CCDC192: variants seen among roughly 807,000 people sequenced by gnomAD.
CCDC192 encodes the protein coiled-coil domain-containing protein 192.
At chr5:127,908,760 G>T (rs1038814585) in intron 6 of CCDC192, among the ~76,000 whole-genome samples, 1 of 152,130 alleles carries the variant, frequency 6.6e-6, no homozygotes, top group Admixed American at 6.5e-5. Flanking sequence ...ACTCCTCAGG[G>T]TAGGGAAGAG....
chr5:127,835,650 G>A (rs1750002418), intron 5 of CCDC192, among the ~76,000 whole-genome samples: 2 of 152,190 alleles, frequency 1.3e-5, no homozygotes, highest in African/African-American at 4.8e-5. Context: ...TAGAATCATG[G>A]TGGAAGGGGA....
chr5:127,797,594 T>G (rs1474452607), intron 4 of CCDC192, among the ~76,000 whole-genome samples: 2 of 151,506 alleles, frequency 1.3e-5, no homozygotes, highest in Non-Finnish European at 2.9e-5. Flanking sequence ...GGCATATGTT[T>G]TTTAATCAAT....
chr5:127,741,841 A>C (rs895877392), intron 2 of CCDC192, among the ~76,000 whole-genome samples: 3 of 152,176 alleles, frequency 2.0e-5, no homozygotes, highest in African/African-American at 4.8e-5. Flanking sequence ...GGAATATTTG[A>C]AAACAGATTA....
intron 6 of CCDC192, among the ~76,000 whole-genome samples, chr5:127,895,917 A>C (rs1325631888): frequency 2.0e-5 from 3 of 151,896 alleles, no homozygotes; most frequent in Non-Finnish European, 4.4e-5. Flanking sequence ...TCTTAGAAGG[A>C]GGACTAATTA....
chr5:127,784,244 A>G (rs981210771), intron 3 of CCDC192, among the ~76,000 whole-genome samples: 1 of 152,236 alleles, frequency 6.6e-6, no homozygotes, highest in African/African-American at 2.4e-5. Context: ...CAGATTACAC[A>G]TGGGTCCATT....
At chr5:127,891,399 G>T (rs527973913) in intron 6 of CCDC192, among the ~76,000 whole-genome samples, 6 of 152,250 alleles carry the variant, frequency 3.9e-5, no homozygotes, top group Non-Finnish European at 8.8e-5. Flanking sequence ...CAAGCCATCC[G>T]TGAGGGATTC....
intron 2 of CCDC192, among the ~76,000 whole-genome samples, chr5:127,752,823 T>G (rs1392468784): frequency 6.6e-6 from 1 of 152,096 alleles, no homozygotes; most frequent in Non-Finnish European, 1.5e-5. Flanking sequence ...TGGTGCGCCG[T>G]TTTTTAAGCC....
chr5:127,812,551 T>G (rs1360549935), intron 5 of CCDC192, among the ~76,000 whole-genome samples: 1 of 152,222 alleles, frequency 6.6e-6, no homozygotes, highest in African/African-American at 2.4e-5. Context: ...GCATATATTT[T>G]TTGGTACCAA....
At chr5:127,932,731 G>T (rs1266552200) in intron 6 of CCDC192, among the ~76,000 whole-genome samples, 1 of 152,074 alleles carries the variant, frequency 6.6e-6, no homozygotes, top group African/African-American at 2.4e-5. Context: ...TTGGGCACAG[G>T]GGATACAGTA....
chr5:127,922,663 C>T (rs1364923871), intron 6 of CCDC192, among the ~76,000 whole-genome samples: 1 of 152,182 alleles, frequency 6.6e-6, no homozygotes, highest in Non-Finnish European at 1.5e-5. Flanking sequence ...ATCACTTGAG[C>T]CCAGGAGGTA....
chr5:127,789,302 A>T (rs1756735455), intron 3 of CCDC192, among the ~76,000 whole-genome samples: 1 of 152,194 alleles, frequency 6.6e-6, no homozygotes, highest in Admixed American at 6.5e-5. Flanking sequence ...GGAGAACTGG[A>T]GAGAAATCCT....
intron 5 of CCDC192, among the ~76,000 whole-genome samples, chr5:127,810,083 TGTG>T (rs902249576): frequency 3.9e-5 from 6 of 152,352 alleles, no homozygotes; most frequent in South Asian, 2.1e-4. Flanking sequence ...AATTAGGTAT[TGTG>T]GTGGTTGTTT....
At chr5:127,889,758 G>C (rs544641609) in intron 6 of CCDC192, among the ~76,000 whole-genome samples, 2 of 152,318 alleles carry the variant, frequency 1.3e-5, no homozygotes, top group South Asian at 4.1e-4. Context: ...CGCTGGGCCA[G>C]CACCTGGCCC....
intron 6 of CCDC192, among the ~76,000 whole-genome samples, chr5:127,927,878 T>A (rs1753906888): frequency 6.6e-6 from 1 of 152,034 alleles, no homozygotes; most frequent in Non-Finnish European, 1.5e-5. Context: ...CTGTTGCTGC[T>A]ATGACAAATT....
At chr5:127,742,595 T>A (rs1217433994) in intron 2 of CCDC192, among the ~76,000 whole-genome samples, 1 of 152,194 alleles carries the variant, frequency 6.6e-6, no homozygotes, top group African/African-American at 2.4e-5. Context: ...AGGAGGTCTC[T>A]ATACTTAGAT....
At chr5:127,904,265 G>A (rs1580812578) in intron 6 of CCDC192, among the ~76,000 whole-genome samples, 1 of 152,294 alleles carries the variant, frequency 6.6e-6, no homozygotes, top group East Asian at 1.9e-4. Flanking sequence ...CTGTAACCTT[G>A]ATTTTAGCCC....
intron 6 of CCDC192, among the ~76,000 whole-genome samples, chr5:127,905,626 A>G (rs1753173517): frequency 6.6e-6 from 1 of 152,232 alleles, no homozygotes; most frequent in Non-Finnish European, 1.5e-5. Flanking sequence ...TTAGCAAAAT[A>G]GCATACTTAC....
At chr5:127,829,793 C>T (rs374646309) in intron 5 of CCDC192, among the ~76,000 whole-genome samples, 5 of 152,032 alleles carry the variant, frequency 3.3e-5, no homozygotes, top group South Asian at 2.1e-4. Context: ...AGCTCAAGGA[C>T]GTGGCAGTAT....
At chr5:127,876,805 G>C (rs1297648647) in intron 6 of CCDC192, among the ~76,000 whole-genome samples, 2 of 152,188 alleles carry the variant, frequency 1.3e-5, no homozygotes, top group African/African-American at 4.8e-5. Context: ...ACATGGTAAA[G>C]CTTTTCATGT....
Sources: gnomAD v4.1 joint callset for allele counts (sites outside exome capture counted in the v4.1 genomes callset) on GRCh38, gnomAD v4.1.1 for gene constraint, MANE v1.5 for transcripts, NCBI Gene and HGNC (gene_info 2026-07-23, HGNC 2026-07-21) for gene names.